TEX11: variants seen among roughly 807,000 people sequenced by gnomAD.
TEX11 encodes testis expressed 11, also known as testis-expressed protein 11.
A neutral mutation model predicts 84.4 loss-of-function variants in TEX11; 7 were observed. That is an observed-to-expected ratio of 0.08 (90% confidence interval 0.05 to 0.16). The LOEUF (loss-of-function observed/expected upper bound fraction) is 0.16. Ranked by LOEUF, TEX11 falls within the 10% of genes least tolerant of loss-of-function variation. TEX11 has a pLI of 1.00. For synonymous variants in TEX11, 264 were observed against 222.8 expected (o/e 1.18, Z -1.64); for missense variants, 551 against 660.5 (o/e 0.83, Z 1.82).
intron 11 of TEX11, among the ~76,000 whole-genome samples, chrX:70,728,434 T>C (rs1202948363): frequency 4.4e-5 from 5 of 112,853 alleles, no homozygotes; most frequent in Admixed American, 2.8e-4. Flanking sequence ...GAGTGACAGA[T>C]GGCACCTGGA....
intron 25 of TEX11, among the ~76,000 whole-genome samples, chrX:70,579,353 G>T (rs1434861425): frequency 1.9e-5 from 2 of 106,390 alleles, no homozygotes; most frequent in African/African-American, 6.8e-5. Flanking sequence ...AAATTAGCTG[G>T]GTGTGGTGGC....
intron 2 of TEX11, among the ~76,000 whole-genome samples, chrX:70,887,302 G>A (rs1188953932): frequency 8.9e-6 from 1 of 111,853 alleles, no homozygotes. Flanking sequence ...TTGGCTCTTG[G>A]ACACCGTCTC....
rs748569844 is a variant in TEX11 at position 70,775,729 on chromosome X, G to A, written c.692+30976C>T. The stretch of plus-strand genomic sequence containing the variant: ...GCAGGAGAATCGCCTGAACCCAGGA[G>A]GTGAAGGTTGCAGTGAGCCGAGATC... On this transcript the variant is annotated intron_variant, in intron 9 of 29. Coordinates refer to ENST00000374333, the MANE Select transcript of TEX11 (RefSeq NM_031276.3). 5.1e-5 allele frequency among the ~76,000 whole-genome samples: 5 copies of A among 98,021 alleles called. No homozygotes were observed. In the South Asian group the frequency reaches 2.7e-3, roughly 53 times the overall value. 85.1% of individuals were successfully genotyped at this position (98,021 alleles called of 115,157 possible).
chrX:70,551,414 T>C (rs2088212023), intron 28 of TEX11, among the ~76,000 whole-genome samples: 1 of 111,343 alleles, frequency 9.0e-6, no homozygotes, highest in African/African-American at 3.3e-5. Flanking sequence ...ACACAAAGGA[T>C]AAATGCTTGA....
the TEX11 span, among the ~76,000 whole-genome samples, chrX:70,512,204 G>C: frequency 1.9e-5 from 2 of 107,116 alleles, no homozygotes; most frequent in Non-Finnish European, 3.8e-5. Flanking sequence ...TTAAAACCCA[G>C]TTCAACCTTC....
At chrX:70,525,096 G>T (rs775310701), downstream of TEX11, among the ~76,000 whole-genome samples, 1 of 111,000 alleles carries the variant, frequency 9.0e-6, no homozygotes, top group African/African-American at 3.3e-5. Context: ...CAGGAGGATC[G>T]CTTGAGCCTG....
At chrX:70,896,298 G>C (rs759365406) in intron 2 of TEX11, among the ~76,000 whole-genome samples, 26 of 112,621 alleles carry the variant, frequency 2.3e-4, no homozygotes, top group African/African-American at 8.0e-4. Flanking sequence ...TTAGAGAAAT[G>C]CAAATGAAAA....
At chrX:70,564,856 A>G (rs1041640150) in intron 25 of TEX11, among the ~76,000 whole-genome samples, 1 of 110,709 alleles carries the variant, frequency 9.0e-6, no homozygotes, top group East Asian at 2.8e-4. Flanking sequence ...ATAGTGCCAC[A>G]ATAAACATAC....
At chrX:70,649,896 A>G (rs1308791305) in intron 17 of TEX11, among the ~76,000 whole-genome samples, 2 of 112,466 alleles carry the variant, frequency 1.8e-5, no homozygotes, top group Non-Finnish European at 3.7e-5. Flanking sequence ...CCTGAAAACC[A>G]TTCAAATATC....
At chrX:70,847,035 C>G (rs1306196121) in intron 7 of TEX11, among the ~76,000 whole-genome samples, 1 of 111,679 alleles carries the variant, frequency 9.0e-6, no homozygotes, top group African/African-American at 3.2e-5. Flanking sequence ...TGGCTCTCTC[C>G]CCACAGTAAC....
chrX:70,646,162 C>T (rs758163028), intron 17 of TEX11, among the ~76,000 whole-genome samples: 2 of 111,913 alleles, frequency 1.8e-5, no homozygotes, highest in South Asian at 3.7e-4. Context: ...CAAGAACACA[C>T]AATGAGAAAA....
At chrX:70,891,988 A>T in intron 2 of TEX11, among the ~76,000 whole-genome samples, 1 of 111,561 alleles carries the variant, frequency 9.0e-6, no homozygotes, top group Non-Finnish European at 1.9e-5. Flanking sequence ...AGAGAGAAAG[A>T]TCAGGTTACC....
intron 9 of TEX11, among the ~76,000 whole-genome samples, chrX:70,755,793 C>T (rs1356415659): frequency 2.7e-5 from 3 of 112,304 alleles, no homozygotes; most frequent in Non-Finnish European, 3.8e-5. Context: ...GGCAGTGCAT[C>T]GCCTCAACCG....
At chrX:70,755,383 G>C (rs1017186054) in intron 9 of TEX11, among the ~76,000 whole-genome samples, 1 of 112,070 alleles carries the variant, frequency 8.9e-6, no homozygotes, top group East Asian at 2.8e-4. Context: ...TAATGAACAA[G>C]ACTGCATCAG....
chrX:70,736,764 G>T (rs1376191582), intron 11 of TEX11, among the ~76,000 whole-genome samples: 1 of 111,574 alleles, frequency 9.0e-6, no homozygotes, highest in African/African-American at 3.2e-5. Flanking sequence ...CTCAATCCAG[G>T]TTGAATAGGA....
chrX:70,799,996 G>A (rs368884361), intron 9 of TEX11, among the ~76,000 whole-genome samples: 7 of 110,421 alleles, frequency 6.3e-5, no homozygotes, highest in Admixed American at 9.6e-5. Flanking sequence ...ACATCATTTC[G>A]TCCCTTCTTT....
intron 17 of TEX11, among the ~76,000 whole-genome samples, chrX:70,649,026 G>C (rs1260940108): frequency 9.0e-6 from 1 of 111,325 alleles, no homozygotes; most frequent in Non-Finnish European, 1.9e-5. Flanking sequence ...CTTCATCCAT[G>C]TGCCTGCAAA....
intron 28 of TEX11, among the ~76,000 whole-genome samples, chrX:70,533,250 G>C (rs1424021534): frequency 3.6e-5 from 4 of 110,421 alleles, no homozygotes; most frequent in African/African-American, 1.3e-4. Flanking sequence ...TAGTTTGAAT[G>C]GCTGAAAGAA....
At chrX:70,643,395 T>C (rs1318492472) in intron 17 of TEX11, among the ~76,000 whole-genome samples, 1 of 89,599 alleles carries the variant, frequency 1.1e-5, no homozygotes, top group Non-Finnish European at 2.2e-5. Context: ...ACCAATGACT[T>C]TCTTCACAGA....
Sources: gnomAD v4.1 joint callset for allele counts (sites outside exome capture counted in the v4.1 genomes callset) on GRCh38, gnomAD v4.1.1 for gene constraint, MANE v1.5 for transcripts, NCBI Gene and HGNC (gene_info 2026-07-23, HGNC 2026-07-21) for gene names.